CCND3: variants seen among roughly 807,000 people sequenced by gnomAD.
CCND3 encodes cyclin D3, also known as G1/S-specific cyclin-D3.
Under a neutral mutation model 28.7 loss-of-function variants are expected in CCND3, and 9 were observed. The observed-to-expected ratio is 0.31, with a 90% CI of 0.19 to 0.55. The LOEUF is 0.55. Among genes scored for constraint, CCND3 ranks in the 20% least tolerant of loss-of-function variants. CCND3 has a pLI of 0.93. For synonymous variants in CCND3, 164 were observed against 163.9 expected (o/e 1.00, Z 0.00); for missense variants, 315 against 385.8 (o/e 0.82, Z 1.54).
intron 1 of CCND3, among the ~76,000 whole-genome samples, chr6:41,962,359 CAA>C (rs1345344840): frequency 1.3e-5 from 2 of 152,106 alleles, no homozygotes; most frequent in Non-Finnish European, 2.9e-5. Context: ...CTCGGCCTCG[CAA>C]AGTGTTGGGA....
rs981796042 is a variant in CCND3, at chr6:42,048,854, G to T, written c.-399C>A. 9.2e-5 allele frequency: 29 copies of T among 316,772 alleles called. No individual in the cohort carries two copies. In the Admixed American group the frequency reaches 1.3e-3, roughly 15 times the overall value. 19.6% of individuals were successfully genotyped at this position (316,772 alleles called of 1,614,324 possible). A position where few individuals can be genotyped will look rare whatever the true frequency, so the allele number is the denominator to read the frequency against. The stretch of plus-strand genomic sequence containing the variant: ...GAGGCCAGGAGGCTCATCCGGCGCC[G>T]CGCACCCCCGCCCGCAGCCCCCGCC... On this transcript the variant is annotated 5_prime_UTR_variant, in exon 1 of 5. Transcript: ENST00000372988. The surrounding 1 kb of genome is among the most constrained non-coding windows in gnomAD (Gnocchi z 4.7).
chr6:41,956,227 G>A (rs1388853378), intron 1 of CCND3, among the ~76,000 whole-genome samples: 1 of 152,166 alleles, frequency 6.6e-6, no homozygotes, highest in Non-Finnish European at 1.5e-5. Flanking sequence ...AGGAGGTGGA[G>A]GTTGCGGTGA....
At chr6:41,964,785 C>CA (rs35107088) in intron 1 of CCND3, among the ~76,000 whole-genome samples, 28,485 of 152,058 alleles carry the variant, frequency 0.19, 3,193 homozygotes, top group Non-Finnish European at 0.25. Flanking sequence ...GAGTGCTAAG[C>CA]ATTAAGGTTT....
chr6:42,045,858 G>C (rs1488128549), intron 1 of CCND3, among the ~76,000 whole-genome samples: 1 of 152,180 alleles, frequency 6.6e-6, no homozygotes, highest in Non-Finnish European at 1.5e-5. Flanking sequence ...TTTTTCAAGA[G>C]TACAACCTGT....
At chr6:42,002,623 C>T (rs1019644204) in intron 1 of CCND3, among the ~76,000 whole-genome samples, 9 of 151,894 alleles carry the variant, frequency 5.9e-5, no homozygotes, top group Middle Eastern at 6.8e-3. Flanking sequence ...GAGGCCGAGG[C>T]GGGTGGATCA....
upstream of CCND3, chr6:41,941,950 T>A: frequency 5.8e-6 from 1 of 172,798 alleles, no homozygotes. The surrounding 1 kb of genome is among the most constrained non-coding windows in gnomAD (Gnocchi z 6.1). Context: ...ATTGGGCCGC[T>A]GAGCGCAAGC....
In CCND3 at chr6:41,934,964, A is replaced by G. The variant is rs1006803059; in HGVS notation, c.*976T>C. 15 of 229,938 alleles carry G rather than the reference A, an allele frequency of 6.5e-5. No homozygotes were observed. Among genetic ancestry groups the G allele is most frequent in the Non-Finnish European group, 1.1e-4 (13 of 116,036 alleles). The allele number at this position is 229,938 out of a possible 1,614,324, so 14.2% of individuals were successfully genotyped here. A position where few individuals can be genotyped will look rare whatever the true frequency, so the allele number is the denominator to read the frequency against. ...AAGCCAAAGCCAGTTTTATTTCACA[A>G]TCATCTTTATTACAGTAGGATGATG... is the stretch of plus-strand genomic sequence containing the variant. On this transcript the variant is annotated 3_prime_UTR_variant, in exon 5 of 5. Transcript: ENST00000372991.
At chr6:42,021,413 A>G (rs1369728568) in intron 1 of CCND3, among the ~76,000 whole-genome samples, 1 of 152,168 alleles carries the variant, frequency 6.6e-6, no homozygotes, top group Non-Finnish European at 1.5e-5. Context: ...AGTGATGGGC[A>G]CTGCTGGAGA....
upstream of CCND3, chr6:42,049,854 T>C (rs1486525329): frequency 6.6e-6 from 1 of 152,086 alleles, no homozygotes; most frequent in East Asian, 1.9e-4. Flanking sequence ...TGAGAAAGAT[T>C]CCCAAGCCCC....
At chr6:41,996,146 TGTTTG>T (rs1198893787) in intron 1 of CCND3, among the ~76,000 whole-genome samples, 2,545 of 135,028 alleles carry the variant, frequency 0.019, 80 homozygotes, top group African/African-American at 0.062. Context: ...ATATTTTTTT[TGTTTG>T]TTTGTTTGTT....
intron 1 of CCND3, among the ~76,000 whole-genome samples, chr6:41,994,726 G>T (rs1231805005): frequency 1.3e-5 from 2 of 152,068 alleles, no homozygotes; most frequent in African/African-American, 4.8e-5. Context: ...GAATTATATG[G>T]GAACTCTGTA....
intron 1 of CCND3, among the ~76,000 whole-genome samples, chr6:42,002,157 G>A (rs1241159576): frequency 6.6e-6 from 1 of 150,378 alleles, no homozygotes; most frequent in Non-Finnish European, 1.5e-5. Context: ...TAAGATCTGT[G>A]TATTTTGGCC....
At chr6:42,006,741 T>C (rs969818800) in intron 1 of CCND3, among the ~76,000 whole-genome samples, 2 of 151,918 alleles carry the variant, frequency 1.3e-5, no homozygotes, top group Non-Finnish European at 2.9e-5. Context: ...ACCCCATCTC[T>C]ACTAAAAATA....
chr6:42,034,341 T>C (rs773837572), intron 1 of CCND3, among the ~76,000 whole-genome samples: 32 of 151,274 alleles, frequency 2.1e-4, no homozygotes, highest in Non-Finnish European at 4.3e-4. Context: ...AGAGACAGGG[T>C]TTCGCCATGT....
intron 1 of CCND3, among the ~76,000 whole-genome samples, chr6:41,996,058 C>T (rs1251189737): frequency 6.7e-6 from 1 of 148,572 alleles, no homozygotes; most frequent in Non-Finnish European, 1.5e-5. Flanking sequence ...TCTTTTCTTT[C>T]TGTATTCTAT....
upstream of CCND3, chr6:42,049,540 G>A (rs1296765245): frequency 1.3e-5 from 2 of 152,286 alleles, no homozygotes; most frequent in African/African-American, 4.8e-5. Flanking sequence ...GGACGAACAC[G>A]GCGCAGCTAG....
At chr6:42,027,725 A>G (rs547441677) in intron 1 of CCND3, among the ~76,000 whole-genome samples, 1 of 151,418 alleles carries the variant, frequency 6.6e-6, no homozygotes, top group East Asian at 1.9e-4. Context: ...TAGCCTCTCT[A>G]AGCCTCAGTT....
At chr6:41,958,118 T>A (rs1223884949) in intron 1 of CCND3, among the ~76,000 whole-genome samples, 1 of 149,310 alleles carries the variant, frequency 6.7e-6, no homozygotes, top group Non-Finnish European at 1.5e-5. Flanking sequence ...TGCCTCAGCC[T>A]CCTGAGTAGC....
Position 41,973,640 on chromosome 6 carries a change from C to G in CCND3, c.-45-33055G>C, listed in dbSNP as rs375450858. On this transcript the variant is annotated intron_variant, in intron 1 of 4. Coordinates refer to the CCND3 transcript ENST00000372988. ...ATCCACCACCTACCAGCTGCATGAC[C>G]TTGACAAGTCTTGCTCTGCCTTAGT... Among the ~76,000 whole-genome samples, 6 of 152,266 alleles carry G rather than the reference C, an allele frequency of 3.9e-5. No homozygotes were observed. The East Asian group carries it at 7.7e-4, about 20-fold the overall frequency.
Sources: allele counts gnomAD v4.1 joint callset (sites outside exome capture counted in the v4.1 genomes callset), GRCh38; gene constraint gnomAD v4.1.1; non-coding constraint Gnocchi (gnomAD v3.1); transcripts MANE v1.5; gene names NCBI Gene and HGNC (gene_info 2026-07-23, HGNC 2026-07-21).